Variants in LGMN observed in about 807,000 individuals in gnomAD.
LGMN encodes asparaginyl endopeptidase.
Under a neutral mutation model 56.8 loss-of-function variants are expected in LGMN, and 36 were observed. The observed-to-expected ratio is 0.63, with a 90% CI of 0.49 to 0.84. The LOEUF is 0.84. LGMN is among the 40% of genes least tolerant of loss of function. The probability of loss-of-function intolerance (pLI) is 0.00; values close to 1 mark genes in which losing one functional copy is unlikely to be tolerated. For missense variants in LGMN, 446 were observed against 556.1 expected (o/e 0.80, Z 1.99); for synonymous variants, 199 against 210.1 (o/e 0.95, Z 0.46).
At chr14:92,719,348 C>A (rs1373071978) in intron 2 of LGMN, among the ~76,000 whole-genome samples, 2 of 143,454 alleles carry the variant, frequency 1.4e-5, no homozygotes, top group Non-Finnish European at 3.0e-5. Flanking sequence ...ATCACCGCCA[C>A]CACCACCAAC....
intron 2 of LGMN, among the ~76,000 whole-genome samples, chr14:92,719,425 AC>A (rs1390961283): frequency 3.6e-4 from 54 of 151,628 alleles, no homozygotes; most frequent in Non-Finnish European, 5.5e-4. Flanking sequence ...CACCACTGCC[AC>A]CACATATATA....
intron 2 of LGMN, among the ~76,000 whole-genome samples, chr14:92,721,199 C>T (rs1174726394): frequency 6.6e-6 from 1 of 152,136 alleles, no homozygotes; most frequent in African/African-American, 2.4e-5. Context: ...CTTCAGTGGG[C>T]CTAATGTAAT....
In LGMN at chr14:92,716,297, C is replaced by A. The variant is rs765385089; in HGVS notation, c.319-76G>T. On this transcript the variant is annotated intron_variant, in intron 4 of 13. Coordinates refer to ENST00000334869, the MANE Select transcript of LGMN (RefSeq NM_005606.7). Reference sequence around the variant, plus strand: ...AGAGTTGGCTGAGTCTGCAACCGACCCATGCCACCAGCCTGCACATTCCAA... The same window carrying A: ...AGAGTTGGCTGAGTCTGCAACCGACACATGCCACCAGCCTGCACATTCCAA... 108 of 1,013,388 alleles carry A rather than the reference C, an allele frequency of 1.1e-4. 1 individual carries two copies. The highest frequency in any genetic ancestry group is 1.6e-4 in the Non-Finnish European group (100 of 637,394). 62.8% of individuals were successfully genotyped at this position (1,013,388 alleles called of 1,614,324 possible).
intron 2 of LGMN, among the ~76,000 whole-genome samples, chr14:92,724,228 T>C (rs76642333): frequency 0.059 from 8,948 of 152,284 alleles, 912 homozygotes; most frequent in African/African-American, 0.2. Flanking sequence ...CCTTGTGTTG[T>C]TACTCCTGCA....
intron 2 of LGMN, among the ~76,000 whole-genome samples, chr14:92,719,331 CA>C (rs1890324023): frequency 1.8e-5 from 2 of 109,732 alleles, no homozygotes; most frequent in Non-Finnish European, 3.7e-5. Flanking sequence ...CCGCCACCGC[CA>C]CCGCCATCAC....
chr14:92,734,285 C>A (rs1374803740), intron 1 of LGMN, among the ~76,000 whole-genome samples: 2 of 152,196 alleles, frequency 1.3e-5, no homozygotes, highest in Admixed American at 6.5e-5. Flanking sequence ...AACGGCTGGT[C>A]CGGCACTCTT....
intron 11 of LGMN, among the ~76,000 whole-genome samples, chr14:92,709,392 G>C (rs1889613850): frequency 6.6e-6 from 1 of 152,320 alleles, no homozygotes; most frequent in Non-Finnish European, 1.5e-5. Flanking sequence ...ATAAAAGAGG[G>C]AAACACCCAT....
rs747354948 is a variant in LGMN at position 92,732,700 on chromosome 14, G to A, written c.87C>T (p.His29=). The change falls in exon 2 of 14, where the codon CAC becomes CAT. Residue 29 remains histidine, a synonymous_variant. Transcript: ENST00000334869. The part of the protein sequence containing the change: ...PIDDPEDGGK[H]WVVIVAGSNG... ...TTGAACCTGCCACGATCACCACCCA[G>A]TGCTTGCCTCCATCTTCAGGATCAT... The A allele has an allele frequency of 4.3e-6, 7 of 1,614,132 alleles. No homozygotes were observed. The Admixed American group carries it at 1.0e-4, about 23-fold the overall frequency.
chr14:92,718,995 G>A (rs1406058531), intron 2 of LGMN, 151 bp from the exon 3 acceptor site: 2 of 574,132 alleles, frequency 3.5e-6, no homozygotes, highest in African/African-American at 3.8e-5. Context: ...CACATACATT[G>A]ATATTTTTTA....
In LGMN at chr14:92,722,988, C is replaced by T. The variant is rs991076346; in HGVS notation, c.139-4144G>A. ...TAAAGTGGAGCCGCGATTTTGGAAA[C>T]GAGCGTTATAGTTTCTCAAAGAGTC... is the stretch of plus-strand genomic sequence containing the variant. On this transcript the variant is annotated intron_variant, in intron 2 of 13. Coordinates refer to ENST00000334869, the MANE Select transcript of LGMN (RefSeq NM_005606.7). Among the ~76,000 whole-genome samples, 4 of 152,094 alleles carry T rather than the reference C, an allele frequency of 2.6e-5. No homozygotes were observed. The East Asian group carries it at 7.7e-4, about 29-fold the overall frequency.
At chr14:92,744,248 T>C (rs1013855098) in intron 1 of LGMN, among the ~76,000 whole-genome samples, 2 of 152,182 alleles carry the variant, frequency 1.3e-5, no homozygotes, top group African/African-American at 2.4e-5. Flanking sequence ...ATTGGCAAAC[T>C]AGCTTCTAGA....
intron 12 of LGMN, among the ~76,000 whole-genome samples, chr14:92,705,256 C>T (rs1467012075): frequency 6.6e-6 from 1 of 152,160 alleles, no homozygotes; most frequent in Non-Finnish European, 1.5e-5. Context: ...AATCCCAGCA[C>T]TGTGGGAGGC....
At chr14:92,728,270 G>A (rs1276806024) in intron 2 of LGMN, among the ~76,000 whole-genome samples, 43 of 152,194 alleles carry the variant, frequency 2.8e-4, no homozygotes. Context: ...TTCTCACAAG[G>A]AGTGCGCAGC....
At position 92,704,138 on chromosome 14, in the gene LGMN, T is replaced by A. The variant is rs762869896; in HGVS notation, c.*181A>T. The A allele has an allele frequency of 3.2e-5, 24 of 753,418 alleles. No individual in the cohort carries two copies. Among genetic ancestry groups the A allele is most frequent in the Non-Finnish European group, 5.0e-5 (21 of 422,890 alleles). The allele number at this position is 753,418 out of a possible 1,614,324, so 46.7% of individuals were successfully genotyped here. Reference sequence around the variant, plus strand: ...TAATTTGTAGTTTTTCAGAAAAGACTGGGGAAGCAGGTAACAGCGAGCAAG... The same window carrying A: ...TAATTTGTAGTTTTTCAGAAAAGACAGGGGAAGCAGGTAACAGCGAGCAAG... On this transcript the variant is annotated 3_prime_UTR_variant, in exon 14 of 14. Coordinates refer to ENST00000334869, the MANE Select transcript of LGMN (RefSeq NM_005606.7).
At chr14:92,743,676 C>T (rs1210960721) in intron 1 of LGMN, among the ~76,000 whole-genome samples, 3 of 152,026 alleles carry the variant, frequency 2.0e-5, no homozygotes, top group Admixed American at 1.3e-4. Flanking sequence ...TAGCATGCAC[C>T]TGTAATCCCA....
intron 11 of LGMN, among the ~76,000 whole-genome samples, chr14:92,707,953 A>G (rs1889529148): frequency 6.6e-6 from 1 of 152,174 alleles, no homozygotes; most frequent in Non-Finnish European, 1.5e-5. Flanking sequence ...GGAGTTTGAG[A>G]CCAGTCTGGC....
At chr14:92,731,073 G>T (rs897459162) in intron 2 of LGMN, among the ~76,000 whole-genome samples, 1 of 152,154 alleles carries the variant, frequency 6.6e-6, no homozygotes, top group South Asian at 2.1e-4. Context: ...CCCACCACTT[G>T]TGAGCTGTAC....
Position 92,711,365 on chromosome 14 carries a change from C to T in LGMN, c.819+294G>A, listed in dbSNP as rs117801400. 1.7e-3 allele frequency among the ~76,000 whole-genome samples: 260 copies of T among 152,306 alleles called. 5 individuals are homozygous for T. The East Asian group carries it at 0.039, about 23-fold the overall frequency. On this transcript the variant is annotated intron_variant, in intron 10 of 13. Coordinates refer to ENST00000334869, the MANE Select transcript of LGMN (RefSeq NM_005606.7). ...TGTTTAGCATAAGTAACGCATAGCC[C>T]TCTTGCATGCTCCTAGCTACCTTGT...
intron 2 of LGMN, among the ~76,000 whole-genome samples, chr14:92,729,851 C>G (rs928263950): frequency 1.3e-5 from 2 of 152,194 alleles, no homozygotes; most frequent in African/African-American, 2.4e-5. Context: ...GCACAAATCT[C>G]ACCTCCACCG....
Sources: gnomAD v4.1 joint callset for allele counts (sites outside exome capture counted in the v4.1 genomes callset) on GRCh38, gnomAD v4.1.1 for gene constraint, MANE v1.5 for transcripts, NCBI Gene and HGNC (gene_info 2026-07-23, HGNC 2026-07-21) for gene names.